Variants in LHFPL2 observed in about 807,000 individuals in gnomAD.
LHFPL2 encodes LHFPL tetraspan subfamily member 2.
A neutral mutation model predicts 17.5 loss-of-function variants in LHFPL2; 7 were observed. The ratio of observed to expected loss-of-function variants is 0.40; its 90% CI spans 0.23 to 0.75. LHFPL2 has a LOEUF of 0.75. LHFPL2 is among the 30% of genes least tolerant of loss of function. The probability of loss-of-function intolerance (pLI) is 0.37; values close to 1 mark genes in which losing one functional copy is unlikely to be tolerated. For missense variants in LHFPL2, 241 were observed against 294.8 expected (o/e 0.82, Z 1.34); for synonymous variants, 134 against 116.2 (o/e 1.15, Z -0.99).
intron 2 of LHFPL2, among the ~76,000 whole-genome samples, chr5:78,620,380 G>C (rs1382505983): frequency 6.6e-6 from 1 of 152,012 alleles, no homozygotes; most frequent in African/African-American, 2.4e-5. Context: ...AAATTTGTTT[G>C]AGTTCTTTTT....
intron 3 of LHFPL2, among the ~76,000 whole-genome samples, chr5:78,531,172 T>C (rs974546610): frequency 6.6e-6 from 1 of 152,126 alleles, no homozygotes; most frequent in African/African-American, 2.4e-5. Flanking sequence ...TCCCAGCACT[T>C]TGGGAGGCTG....
chr5:78,621,900 T>C (rs551259289), intron 2 of LHFPL2, among the ~76,000 whole-genome samples: 1 of 152,250 alleles, frequency 6.6e-6, no homozygotes, highest in South Asian at 2.1e-4. Flanking sequence ...GTCCAGGAAG[T>C]AGAATCTAAC....
chr5:78,644,322 G>T, intron 1 of LHFPL2: 1 of 1,218,566 alleles, frequency 8.2e-7, no homozygotes, highest in Non-Finnish European at 1.2e-6. Flanking sequence ...GCTTTTTTCA[G>T]CCTTGACAAC....
rs142629839 is a variant in LHFPL2, at chr5:78,575,561, A to G, written c.-244-10690T>C. The stretch of plus-strand genomic sequence containing the variant: ...AGACTCCATCTCAAAAAAAGAAAAA[A>G]AGAAAAACCCACATGGCAAAACTAA... On this transcript the variant is annotated intron_variant, in intron 2 of 4. Transcript: ENST00000380345. Among the ~76,000 whole-genome samples, 453 of 152,278 alleles carry G rather than the reference A, an allele frequency of 3.0e-3. 3 individuals carry two copies. Among genetic ancestry groups the G allele is most frequent in the African/African-American group, 0.01 (435 of 41,538 alleles).
rs182603163 is a variant in LHFPL2 at position 78,550,167 on chromosome 5, A to C, written c.-186+14646T>G. 2.3e-3 allele frequency among the ~76,000 whole-genome samples: 348 copies of C among 152,322 alleles called. 5 individuals carry two copies. The highest frequency in any genetic ancestry group is 0.02 in the Middle Eastern group (6 of 294). ...CCACTAGCAAACCACGCTACTTCTT[A>C]CCTGCCTGTTGGCCACCAATCTGGA... is the stretch of plus-strand genomic sequence containing the variant. On this transcript the variant is annotated intron_variant, in intron 3 of 4. Coordinates refer to ENST00000380345, the MANE Select transcript of LHFPL2 (RefSeq NM_005779.3).
intron 1 of LHFPL2, among the ~76,000 whole-genome samples, chr5:78,646,748 G>C (rs1041742722): frequency 6.6e-6 from 1 of 151,990 alleles, no homozygotes; most frequent in African/African-American, 2.4e-5. Context: ...CATCAACACC[G>C]AGCCCATGCA....
intron 3 of LHFPL2, among the ~76,000 whole-genome samples, chr5:78,518,577 C>G (rs11749121): frequency 0.28 from 43,201 of 152,094 alleles, 6,369 homozygotes; most frequent in East Asian, 0.47. Flanking sequence ...TGCCAGTAGC[C>G]ATAGGTACTT....
At chr5:78,616,472 G>A (rs1387284941) in intron 2 of LHFPL2, among the ~76,000 whole-genome samples, 2 of 151,986 alleles carry the variant, frequency 1.3e-5, no homozygotes, top group African/African-American at 2.4e-5. Flanking sequence ...GGATTGCTTC[G>A]GAAGACATTT....
chr5:78,534,991 G>T (rs756532496), intron 3 of LHFPL2, among the ~76,000 whole-genome samples: 1 of 152,202 alleles, frequency 6.6e-6, no homozygotes, highest in Non-Finnish European at 1.5e-5. Flanking sequence ...AAGCTTTAAT[G>T]GCATTTTGTC....
At chr5:78,492,184 G>A (rs1488531605) in intron 4 of LHFPL2, among the ~76,000 whole-genome samples, 1 of 152,164 alleles carries the variant, frequency 6.6e-6, no homozygotes, top group African/African-American at 2.4e-5. Context: ...AGGCACTTTG[G>A]GTGTGCTGTA....
intron 2 of LHFPL2, among the ~76,000 whole-genome samples, chr5:78,589,331 C>T (rs1214375842): frequency 6.6e-6 from 1 of 151,916 alleles, no homozygotes; most frequent in Non-Finnish European, 1.5e-5. Flanking sequence ...ATTAGCTGGG[C>T]ATGGTGGCAC....
intron 2 of LHFPL2, among the ~76,000 whole-genome samples, chr5:78,572,808 C>T (rs189564752): frequency 6.6e-6 from 1 of 152,150 alleles, no homozygotes; most frequent in Non-Finnish European, 1.5e-5. Context: ...GACCTGTTTC[C>T]TGGAATACAA....
intron 4 of LHFPL2, among the ~76,000 whole-genome samples, chr5:78,508,824 T>C (rs1755014430): frequency 6.6e-6 from 1 of 151,996 alleles, no homozygotes; most frequent in Non-Finnish European, 1.5e-5. Context: ...ATTAATGTCT[T>C]GGTTAAAAAG....
chr5:78,490,365 GCTC>G (rs1262362805), intron 4 of LHFPL2, among the ~76,000 whole-genome samples: 3 of 152,114 alleles, frequency 2.0e-5, no homozygotes, highest in Non-Finnish European at 2.9e-5. Context: ...CATGACAGTA[GCTC>G]CTCCCAAAAA....
chr5:78,631,350 G>A (rs1163142133), intron 2 of LHFPL2, among the ~76,000 whole-genome samples: 1 of 152,176 alleles, frequency 6.6e-6, no homozygotes, highest in Non-Finnish European at 1.5e-5. Context: ...ATGGCCACAG[G>A]TTGCCATTTA....
chr5:78,527,549 G>A (rs945973917), intron 3 of LHFPL2, among the ~76,000 whole-genome samples: 2 of 151,694 alleles, frequency 1.3e-5, no homozygotes, highest in Non-Finnish European at 2.9e-5. Flanking sequence ...CTCCCATCTC[G>A]TTATTTCACC....
chr5:78,531,214 G>A (rs1307336056), intron 3 of LHFPL2, among the ~76,000 whole-genome samples: 4 of 152,036 alleles, frequency 2.6e-5, no homozygotes, highest in African/African-American at 7.3e-5. Context: ...TCGGGAGTTC[G>A]AGACCAGCCT....
At chr5:78,567,807 T>A (rs943098670) in intron 2 of LHFPL2, among the ~76,000 whole-genome samples, 1 of 152,158 alleles carries the variant, frequency 6.6e-6, no homozygotes, top group Admixed American at 6.5e-5. Context: ...AGAGAAAATT[T>A]TGGCCGCATT....
intron 3 of LHFPL2, among the ~76,000 whole-genome samples, chr5:78,527,220 G>A: frequency 6.6e-6 from 1 of 152,140 alleles, no homozygotes; most frequent in Non-Finnish European, 1.5e-5. Context: ...CCTCAGCTGG[G>A]AAGATTAACA....
Sources: gnomAD v4.1 joint callset for allele counts (sites outside exome capture counted in the v4.1 genomes callset) on GRCh38, gnomAD v4.1.1 for gene constraint, MANE v1.5 for transcripts, NCBI Gene and HGNC (gene_info 2026-07-23, HGNC 2026-07-21) for gene names.